Variants in CNTN4 observed in about 807,000 individuals in gnomAD.
CNTN4 encodes the protein contactin 4.
A neutral mutation model predicts 122.5 loss-of-function variants in CNTN4; 77 were observed. That is an observed-to-expected ratio of 0.63 (90% CI 0.52 to 0.76). CNTN4 has a LOEUF of 0.76. CNTN4 is among the 30% of genes least tolerant of loss of function. The pLI is 0.00. For missense variants in CNTN4, 1,256 were observed against 1,259.1 expected (o/e 1.00, Z 0.04); for synonymous variants, 512 against 447.0 (o/e 1.15, Z -1.83).
At chr3:2,574,456 A>C (rs2079569753) in intron 4 of CNTN4, among the ~76,000 whole-genome samples, 1 of 152,128 alleles carries the variant, frequency 6.6e-6, no homozygotes, top group Non-Finnish European at 1.5e-5. Flanking sequence ...CCTGCAAGGG[A>C]TGCAACTGAT....
At chr3:2,876,009 G>A (rs895183671) in intron 8 of CNTN4, among the ~76,000 whole-genome samples, 7 of 152,190 alleles carry the variant, frequency 4.6e-5, no homozygotes, top group South Asian at 2.1e-4. Flanking sequence ...CTTGAAAAAG[G>A]TTATCTCTGC....
chr3:2,989,473 CA>C (rs11300446), intron 14 of CNTN4, among the ~76,000 whole-genome samples: 64,613 of 151,482 alleles, frequency 0.43, 14,845 homozygotes, highest in African/African-American at 0.61. Context: ...ATAAAAATAT[CA>C]AAAAAAACAA....
intron 3 of CNTN4, among the ~76,000 whole-genome samples, chr3:2,566,887 G>T (rs756970777): frequency 1.3e-5 from 2 of 152,168 alleles, no homozygotes; most frequent in Non-Finnish European, 2.9e-5. Flanking sequence ...TCTGTTGGAA[G>T]TATTCTTAGT....
chr3:2,624,620 T>C (rs1330805385), intron 4 of CNTN4, among the ~76,000 whole-genome samples: 1 of 149,644 alleles, frequency 6.7e-6, no homozygotes, highest in Non-Finnish European at 1.5e-5. Context: ...AATTGGAATT[T>C]CTGATTCTTT....
At chr3:2,508,077 G>T (rs1442108988) in intron 3 of CNTN4, among the ~76,000 whole-genome samples, 4 of 152,008 alleles carry the variant, frequency 2.6e-5, no homozygotes, top group African/African-American at 9.7e-5. Context: ...CTGGTCTCTG[G>T]GTCATTGTTA....
chr3:2,300,952 A>G (rs1314020773), intron 2 of CNTN4, among the ~76,000 whole-genome samples: 1 of 152,162 alleles, frequency 6.6e-6, no homozygotes, highest in Non-Finnish European at 1.5e-5. Context: ...TGGCTTCCAG[A>G]TAGGAACTTG....
intron 2 of CNTN4, among the ~76,000 whole-genome samples, chr3:2,287,015 G>C (rs1324267267): frequency 1.1e-4 from 17 of 152,176 alleles, no homozygotes; most frequent in Non-Finnish European, 1.5e-5. Context: ...TTCGTAGTTA[G>C]ATCAAACATT....
In CNTN4 at chr3:2,620,796, A is replaced by C. The variant is rs2149923145; in HGVS notation, c.55+49238A>C. Among the ~76,000 whole-genome samples, 8 of 152,280 alleles carry C rather than the reference A, an allele frequency of 5.3e-5. 2 individuals are homozygous for C. The highest frequency in any genetic ancestry group is 5.2e-4 in the Admixed American group (8 of 15,298). On this transcript the variant is annotated intron_variant, in intron 4 of 24. Coordinates refer to ENST00000418658, the MANE Select transcript of CNTN4 (RefSeq NM_175607.3). ...CTCTATACAGCCCCCCTCCTGTGTA[A>C]TTATTCTTCCTTTGACACAAAGCAC...
At chr3:2,993,827 C>T (rs542048617) in intron 14 of CNTN4, among the ~76,000 whole-genome samples, 1 of 152,214 alleles carries the variant, frequency 6.6e-6, no homozygotes, top group Non-Finnish European at 1.5e-5. Flanking sequence ...GAAATTTCCA[C>T]ATGTCCTTGA....
intron 3 of CNTN4, among the ~76,000 whole-genome samples, chr3:2,566,764 TAA>T (rs2079179000): frequency 6.6e-6 from 1 of 152,184 alleles, no homozygotes; most frequent in Admixed American, 6.5e-5. Context: ...TTACAGAGAT[TAA>T]GTGTCTTTCC....
intron 4 of CNTN4, among the ~76,000 whole-genome samples, chr3:2,667,105 T>C (rs945069220): frequency 4.6e-5 from 7 of 152,096 alleles, no homozygotes; most frequent in African/African-American, 7.2e-5. Flanking sequence ...GGTATATACC[T>C]AGTAATGGGA....
intron 12 of CNTN4, among the ~76,000 whole-genome samples, chr3:2,917,083 C>A (rs866585834): frequency 1.6e-5 from 2 of 127,998 alleles, no homozygotes; most frequent in Non-Finnish European, 3.3e-5. Flanking sequence ...GCGGATCACT[C>A]GCGGTTAGGA....
chr3:2,877,654 A>T (rs1283571341), intron 8 of CNTN4, among the ~76,000 whole-genome samples: 1 of 152,000 alleles, frequency 6.6e-6, no homozygotes, highest in South Asian at 2.1e-4. Flanking sequence ...ACATCTTCCC[A>T]CCTTTTTTAA....
At chr3:2,340,945 G>A (rs2044187846) in intron 3 of CNTN4, among the ~76,000 whole-genome samples, 2 of 151,924 alleles carry the variant, frequency 1.3e-5, no homozygotes, top group South Asian at 4.2e-4. Context: ...GTATTGACTG[G>A]GTATGCTCCT....
intron 2 of CNTN4, among the ~76,000 whole-genome samples, chr3:2,122,034 A>G (rs573102411): frequency 0.031 from 4,756 of 151,996 alleles, 95 homozygotes; most frequent in Middle Eastern, 0.085. Context: ...CGGCGCCTGT[A>G]GTCCCAGCTA....
At chr3:2,649,686 A>C (rs1206314849) in intron 4 of CNTN4, among the ~76,000 whole-genome samples, 2 of 152,178 alleles carry the variant, frequency 1.3e-5, no homozygotes, top group African/African-American at 2.4e-5. Flanking sequence ...TCTGCAGCCA[A>C]TGGATCAGGA....
At chr3:2,515,298 T>C (rs561371450) in intron 3 of CNTN4, among the ~76,000 whole-genome samples, 4 of 152,264 alleles carry the variant, frequency 2.6e-5, no homozygotes, top group Admixed American at 2.6e-4. Context: ...ATACTCTAAA[T>C]TGAAGATGAT....
chr3:2,319,780 T>C (rs1417487657), intron 2 of CNTN4, among the ~76,000 whole-genome samples: 1 of 152,192 alleles, frequency 6.6e-6, no homozygotes, highest in Non-Finnish European at 1.5e-5. Context: ...TTTGACTTCA[T>C]GGGGGTTGGT....
chr3:2,846,524 A>G (rs945883775), intron 7 of CNTN4, among the ~76,000 whole-genome samples: 1 of 152,206 alleles, frequency 6.6e-6, no homozygotes, highest in Non-Finnish European at 1.5e-5. Context: ...CAGCATGAGA[A>G]GAGATTAAAA....
Sources: gnomAD v4.1 joint callset for allele counts (sites outside exome capture counted in the v4.1 genomes callset) on GRCh38, gnomAD v4.1.1 for gene constraint, MANE v1.5 for transcripts, NCBI Gene and HGNC (gene_info 2026-07-23, HGNC 2026-07-21) for gene names.